LINGO1: variants seen among roughly 807,000 people sequenced by gnomAD.
The protein encoded by LINGO1 is leucine rich repeat and Ig domain containing 1.
In LINGO1, 11 loss-of-function variants were observed where a neutral mutation model predicts 37.3. That is an observed-to-expected ratio of 0.29 (90% CI 0.19 to 0.49). The LOEUF (loss-of-function observed/expected upper bound fraction) is 0.49. Ranked by LOEUF, LINGO1 falls within the 20% of genes least tolerant of loss-of-function variation. The pLI, the probability that LINGO1 is intolerant of heterozygous loss-of-function variation, is 0.99. For synonymous variants in LINGO1, 387 were observed against 403.0 expected (o/e 0.96, Z 0.48); for missense variants, 585 against 878.2 (o/e 0.67, Z 4.22).
intron 1 of LINGO1, among the ~76,000 whole-genome samples, chr15:77,776,175 A>G (rs2076636375): frequency 6.7e-6 from 1 of 148,532 alleles, no homozygotes. Context: ...GGGGACAGAG[A>G]TTTGGGCTGT....
chr15:77,760,631 G>C (rs2076465898), intron 1 of LINGO1, among the ~76,000 whole-genome samples: 1 of 152,134 alleles, frequency 6.6e-6, no homozygotes, highest in African/African-American at 2.4e-5. Context: ...CAGCCCCTTT[G>C]CCTGGCCCCT....
intron 3 of LINGO1, among the ~76,000 whole-genome samples, chr15:77,643,815 T>C (rs1347197399): frequency 6.6e-6 from 1 of 152,160 alleles, no homozygotes; most frequent in African/African-American, 2.4e-5. Flanking sequence ...CATTCCCACC[T>C]CTTCCTGCTC....
upstream of LINGO1, among the ~76,000 whole-genome samples, chr15:77,638,321 T>C (rs1326106873): frequency 6.6e-6 from 1 of 152,152 alleles, no homozygotes; most frequent in Admixed American, 6.5e-5. Context: ...GTTCCTGACC[T>C]TGAGTTACTG....
chr15:77,779,483 T>C (rs878982480), intron 1 of LINGO1, among the ~76,000 whole-genome samples: 1 of 152,148 alleles, frequency 6.6e-6, no homozygotes, highest in Non-Finnish European at 1.5e-5. Flanking sequence ...GAGCTTTTTT[T>C]CCTGCAACTA....
At chr15:77,705,595 G>A (rs559134431) in intron 2 of LINGO1, among the ~76,000 whole-genome samples, 159 of 152,358 alleles carry the variant, frequency 1.0e-3, no homozygotes, top group African/African-American at 3.7e-3. Context: ...AAGAAGGTGA[G>A]GTGGCAGGGG....
chr15:77,803,120 T>G (rs532657406), intron 1 of LINGO1, among the ~76,000 whole-genome samples: 1 of 152,154 alleles, frequency 6.6e-6, no homozygotes, highest in African/African-American at 2.4e-5. Flanking sequence ...AGGGCTGGAG[T>G]GAAGCCCCTC....
intron 3 of LINGO1, among the ~76,000 whole-genome samples, chr15:77,656,968 G>A (rs1338610399): frequency 6.6e-6 from 1 of 152,150 alleles, no homozygotes; most frequent in Non-Finnish European, 1.5e-5. Flanking sequence ...TTGAGCCCTC[G>A]CTTTGGCTGA....
At chr15:77,729,497 G>C (rs940839341) in intron 2 of LINGO1, among the ~76,000 whole-genome samples, 1 of 152,224 alleles carries the variant, frequency 6.6e-6, no homozygotes, top group Non-Finnish European at 1.5e-5. Flanking sequence ...CTGGTGGAGG[G>C]AGAGCAGGGC....
chr15:77,667,154 G>A (rs191870639), intron 3 of LINGO1: 8 of 152,590 alleles, frequency 5.2e-5, no homozygotes, highest in African/African-American at 1.9e-4. Context: ...CATGGATGAG[G>A]GGGGCATGTG....
upstream of LINGO1, among the ~76,000 whole-genome samples, chr15:77,790,681 C>T (rs59912838): frequency 9.3e-3 from 1,411 of 152,320 alleles, 19 homozygotes; most frequent in African/African-American, 0.032. Flanking sequence ...ATCCCCACCA[C>T]GTGCTGGGCC....
intron 3 of LINGO1, chr15:77,677,080 C>G (rs2141218232): frequency 6.6e-6 from 1 of 152,382 alleles, no homozygotes. Context: ...CTGCCTCACT[C>G]TCCCCTACCT....
intron 1 of LINGO1, among the ~76,000 whole-genome samples, chr15:77,745,190 G>A (rs1284946232): frequency 6.6e-6 from 1 of 151,334 alleles, no homozygotes; most frequent in Non-Finnish European, 1.5e-5. Flanking sequence ...CACTTTGGAA[G>A]GCGAGGCAGG....
At chr15:77,689,248 C>T (rs1471534024) in intron 2 of LINGO1, among the ~76,000 whole-genome samples, 1 of 150,142 alleles carries the variant, frequency 6.7e-6, no homozygotes, top group Non-Finnish European at 1.5e-5. Context: ...CCCATCCCAT[C>T]ACCAGCCCCC....
chr15:77,773,421 C>T (rs968674501), intron 1 of LINGO1, among the ~76,000 whole-genome samples: 1 of 152,150 alleles, frequency 6.6e-6, no homozygotes, highest in Non-Finnish European at 1.5e-5. Flanking sequence ...TGGCAGAGTC[C>T]CGACTTTACA....
At chr15:77,738,494 G>A (rs1273287661) in intron 1 of LINGO1, among the ~76,000 whole-genome samples, 1 of 152,078 alleles carries the variant, frequency 6.6e-6, no homozygotes, top group Non-Finnish European at 1.5e-5. Flanking sequence ...ATTCAAATGA[G>A]CCCTCTTACC....
chr15:77,713,798 C>T (rs573428627), intron 2 of LINGO1, among the ~76,000 whole-genome samples: 1 of 152,130 alleles, frequency 6.6e-6, no homozygotes, highest in Non-Finnish European at 1.5e-5. Flanking sequence ...CCTTTAGGAA[C>T]CCTCTCCTGG....
At chr15:77,752,755 T>C (rs976692891) in intron 1 of LINGO1, among the ~76,000 whole-genome samples, 2 of 152,146 alleles carry the variant, frequency 1.3e-5, no homozygotes, top group East Asian at 1.9e-4. Flanking sequence ...CTGGTCAGCC[T>C]TCCCGTGTGC....
intron 2 of LINGO1, among the ~76,000 whole-genome samples, chr15:77,708,020 C>A (rs1009059607): frequency 2.0e-5 from 3 of 152,208 alleles, no homozygotes; most frequent in Non-Finnish European, 4.4e-5. Context: ...GCACCAGGCA[C>A]CAGCTTGCCC....
At chr15:77,755,650 C>T (rs1325749922) in intron 1 of LINGO1, among the ~76,000 whole-genome samples, 1 of 152,154 alleles carries the variant, frequency 6.6e-6, no homozygotes, top group Non-Finnish European at 1.5e-5. Context: ...TGGTTAACAC[C>T]TTCCCAAGGT....
Sources: allele counts gnomAD v4.1 joint callset (sites outside exome capture counted in the v4.1 genomes callset), GRCh38; gene constraint gnomAD v4.1.1; transcripts MANE v1.5; gene names NCBI Gene and HGNC (gene_info 2026-07-23, HGNC 2026-07-21).